Variants in MDGA2 observed in about 807,000 individuals in gnomAD.
MDGA2 encodes the protein MAM domain containing glycosylphosphatidylinositol anchor 2, also known as MAM domain-containing glycosylphosphatidylinositol anchor protein 2.
In MDGA2, 40 loss-of-function variants were observed where a neutral mutation model predicts 117.8. That is an observed-to-expected ratio of 0.34 (90% confidence interval 0.26 to 0.44). The LOEUF is 0.44. MDGA2 is among the 20% of genes least tolerant of loss of function. The pLI is 1.00. For missense variants in MDGA2, 1,123 were observed against 1,250.6 expected, an observed-to-expected ratio of 0.90 and a Z score of 1.54; for synonymous variants, 452 against 439.0, an observed-to-expected ratio of 1.03 and a Z score of -0.37.
chr14:47,631,416 A>G (rs970225454), intron 1 of MDGA2, among the ~76,000 whole-genome samples: 2 of 152,220 alleles, frequency 1.3e-5, no homozygotes, highest in Non-Finnish European at 1.5e-5. Context: ...TTGCTATTTT[A>G]AAATGATTAA....
chr14:47,517,614 G>A (rs1894780937), intron 1 of MDGA2, among the ~76,000 whole-genome samples: 1 of 152,068 alleles, frequency 6.6e-6, no homozygotes, highest in Non-Finnish European at 1.5e-5. Context: ...TAGAGGCAAT[G>A]TACTCTTAGA....
At chr14:47,335,734 T>TTTTATATATATATATA (rs1255206359) in intron 1 of MDGA2, among the ~76,000 whole-genome samples, 11 of 48,042 alleles carry the variant, frequency 2.3e-4, no homozygotes, top group Admixed American at 4.8e-4. Context: ...CACATATATT[T>TTTTATATATATATATA]TATATATATA....
rs1471456133 is a variant in MDGA2 at position 46,855,673 on chromosome 14, T to C, written c.2753-519A>G. ...TCTTGATTTTAGGCCCAGAATGCTT[T>C]TTTTAAATTTCTGTTCTCCAGAATG... On this transcript the variant is annotated intron_variant, in intron 14 of 16. Transcript: ENST00000399232. This position sits in a 1 kb window ranked among gnomAD's most constrained non-coding sequence, Gnocchi z 4.1. Among the ~76,000 whole-genome samples, 1 of 152,156 alleles carries C rather than the reference T, an allele frequency of 6.6e-6. No homozygotes were observed. Among genetic ancestry groups the C allele is most frequent in the African/African-American group, 2.4e-5 (1 of 41,444 alleles).
At chr14:47,618,681 A>G (rs1338914765) in intron 1 of MDGA2, among the ~76,000 whole-genome samples, 1 of 152,204 alleles carries the variant, frequency 6.6e-6, no homozygotes, top group Non-Finnish European at 1.5e-5. Flanking sequence ...CTATTCTAGT[A>G]CTTTTAACTG....
chr14:47,037,169 A>G (rs2138658406), intron 7 of MDGA2, among the ~76,000 whole-genome samples: 1 of 152,298 alleles, frequency 6.6e-6, no homozygotes. Context: ...TGTGACACTT[A>G]TTCACCCTCC....
chr14:47,570,141 T>C (rs1031916296), intron 1 of MDGA2, among the ~76,000 whole-genome samples: 2 of 152,156 alleles, frequency 1.3e-5, no homozygotes, highest in Non-Finnish European at 2.9e-5. Flanking sequence ...ACCTTAAAAA[T>C]GTTATCTTCT....
At chr14:47,262,690 A>G (rs1419404147) in intron 2 of MDGA2, among the ~76,000 whole-genome samples, 1 of 152,184 alleles carries the variant, frequency 6.6e-6, no homozygotes, top group Non-Finnish European at 1.5e-5. Context: ...ACCTTATTCA[A>G]ATACAGAACA....
At chr14:47,645,896 C>A (rs540337611) in intron 1 of MDGA2, among the ~76,000 whole-genome samples, 6 of 151,466 alleles carry the variant, frequency 4.0e-5, no homozygotes, top group Non-Finnish European at 7.4e-5. Flanking sequence ...CACGATGAAA[C>A]CCAGTCTCTA....
At position 47,382,949 on chromosome 14, in the gene MDGA2, C is replaced by A. The variant is rs574403137; in HGVS notation, c.281-81399G>T. On this transcript the variant is annotated intron_variant, in intron 1 of 16. Transcript: ENST00000399232. Reference sequence around the variant, plus strand: ...ATTCACAACAACAAAGACTTGCAACCAACCCAAATGTCCATCAATGATAGA... The same window carrying A: ...ATTCACAACAACAAAGACTTGCAACAAACCCAAATGTCCATCAATGATAGA... Among the ~76,000 whole-genome samples the A allele has an allele frequency of 2.6e-3, 401 of 152,250 alleles. 2 individuals are homozygous for A. The highest frequency in any genetic ancestry group is 9.5e-3 in the African/African-American group (393 of 41,536).
chr14:47,521,458 A>T (rs952693753), intron 1 of MDGA2, among the ~76,000 whole-genome samples: 1 of 152,174 alleles, frequency 6.6e-6, no homozygotes, highest in Non-Finnish European at 1.5e-5. Flanking sequence ...ACAAATAAAC[A>T]GAAAATTCTA....
chr14:47,296,160 C>G (rs759058448), intron 2 of MDGA2, among the ~76,000 whole-genome samples: 2 of 151,986 alleles, frequency 1.3e-5, no homozygotes, highest in African/African-American at 2.4e-5. Context: ...AAAGAGAACA[C>G]TAGACTAACA....
chr14:47,548,594 T>C (rs1895511651), intron 1 of MDGA2, among the ~76,000 whole-genome samples: 1 of 152,186 alleles, frequency 6.6e-6, no homozygotes, highest in Non-Finnish European at 1.5e-5. Context: ...AGCTTTTGAA[T>C]AGGAGCTCTC....
intron 8 of MDGA2, among the ~76,000 whole-genome samples, chr14:47,019,838 C>CAAA (rs565526563): frequency 1.6e-5 from 1 of 63,194 alleles, no homozygotes; most frequent in Non-Finnish European, 3.2e-5. Context: ...GAGTCCGTCT[C>CAAA]AAAAAAAAAA....
At chr14:47,199,440 T>A (rs902708356) in intron 3 of MDGA2, among the ~76,000 whole-genome samples, 17 of 152,174 alleles carry the variant, frequency 1.1e-4, no homozygotes, top group Non-Finnish European at 2.5e-4. Flanking sequence ...TTCTACTAAT[T>A]TTTTGGTTTC....
At chr14:47,006,178 G>A (rs916065702) in intron 8 of MDGA2, among the ~76,000 whole-genome samples, 5 of 151,084 alleles carry the variant, frequency 3.3e-5, no homozygotes, top group African/African-American at 1.2e-4. Context: ...TTTATTTCAA[G>A]TGTTGAGCAT....
chr14:47,502,364 A>G (rs1894416624), intron 1 of MDGA2, among the ~76,000 whole-genome samples: 1 of 152,166 alleles, frequency 6.6e-6, no homozygotes, highest in Non-Finnish European at 1.5e-5. Context: ...AGAAAGAATA[A>G]ATGCATATAC....
chr14:47,277,043 T>C (rs892131862), intron 2 of MDGA2, among the ~76,000 whole-genome samples: 1 of 152,150 alleles, frequency 6.6e-6, no homozygotes, highest in South Asian at 2.1e-4. Flanking sequence ...GACAGGGCAG[T>C]GGACTCAAAT....
At chr14:47,671,760 T>C (rs762725794) in intron 1 of MDGA2, among the ~76,000 whole-genome samples, 14 of 152,238 alleles carry the variant, frequency 9.2e-5, no homozygotes, top group Non-Finnish European at 1.5e-4. Flanking sequence ...AAGTTATTCA[T>C]ATAAAATGTT....
intron 1 of MDGA2, among the ~76,000 whole-genome samples, chr14:47,361,203 C>CTATA (rs1301586706): frequency 5.1e-4 from 66 of 130,204 alleles, no homozygotes; most frequent in East Asian, 2.8e-3. Flanking sequence ...CTCTCTCTCT[C>CTATA]TCTCTATATA....
Sources: allele counts gnomAD v4.1 joint callset (sites outside exome capture counted in the v4.1 genomes callset), GRCh38; gene constraint gnomAD v4.1.1; non-coding constraint Gnocchi (gnomAD v3.1); transcripts MANE v1.5; gene names NCBI Gene and HGNC (gene_info 2026-07-23, HGNC 2026-07-21).